Variants in GRM7 observed in about 807,000 individuals in gnomAD.
GRM7 encodes metabotropic glutamate receptor 7.
In GRM7, 35 loss-of-function variants were observed where a neutral mutation model predicts 84.5. That is an observed-to-expected ratio of 0.41 (90% CI 0.32 to 0.55). GRM7 has a LOEUF of 0.55. Among genes scored for constraint, GRM7 ranks in the 20% least tolerant of loss-of-function variants. GRM7 has a pLI of 0.19. For synonymous variants in GRM7, 487 were observed against 455.1 expected, an observed-to-expected ratio of 1.07 and a Z score of -0.89; for missense variants, 1,003 against 1,194.6, an observed-to-expected ratio of 0.84 and a Z score of 2.36.
At chr3:6,998,726 G>T (rs1372613055) in intron 1 of GRM7, among the ~76,000 whole-genome samples, 1 of 152,208 alleles carries the variant, frequency 6.6e-6, no homozygotes, top group Non-Finnish European at 1.5e-5. Flanking sequence ...CCACATGAAA[G>T]CTGCCAAGGC....
intron 2 of GRM7, among the ~76,000 whole-genome samples, chr3:7,284,513 A>T (rs772782926): frequency 6.6e-6 from 1 of 152,182 alleles, no homozygotes; most frequent in African/African-American, 2.4e-5. Context: ...TTGCCTCTTT[A>T]TCGCAATGTA....
intron 1 of GRM7, among the ~76,000 whole-genome samples, chr3:6,993,416 T>C (rs1415373370): frequency 1.3e-5 from 2 of 152,120 alleles, no homozygotes; most frequent in African/African-American, 2.4e-5. Context: ...CCCAGAGGTG[T>C]AGACAGACTG....
chr3:7,625,515 G>T (rs1236406312), intron 8 of GRM7, among the ~76,000 whole-genome samples: 1 of 152,046 alleles, frequency 6.6e-6, no homozygotes, highest in Non-Finnish European at 1.5e-5. Flanking sequence ...TCAAAAAACA[G>T]GGACATTGGC....
intron 2 of GRM7, among the ~76,000 whole-genome samples, chr3:7,231,147 C>G (rs1697183729): frequency 6.6e-6 from 1 of 152,102 alleles, no homozygotes; most frequent in African/African-American, 2.4e-5. Context: ...TAGGTGTCAC[C>G]CGTCTTGGAA....
chr3:7,060,670 G>T (rs533882310), intron 1 of GRM7, among the ~76,000 whole-genome samples: 15 of 151,824 alleles, frequency 9.9e-5, no homozygotes, highest in African/African-American at 3.6e-4. Flanking sequence ...CCAACATTAT[G>T]CTGACTCAAA....
intron 9 of GRM7, among the ~76,000 whole-genome samples, chr3:7,687,699 T>C (rs935538427): frequency 6.6e-6 from 1 of 152,174 alleles, no homozygotes; most frequent in African/African-American, 2.4e-5. Context: ...ATGGGACTTT[T>C]ATCAGATCAC....
intron 2 of GRM7, among the ~76,000 whole-genome samples, chr3:7,259,289 C>A (rs1471123606): frequency 6.6e-6 from 1 of 152,078 alleles, no homozygotes; most frequent in Non-Finnish European, 1.5e-5. Flanking sequence ...TTTAAAAATA[C>A]TTTTATTTTA....
chr3:6,910,459 A>C (rs1230894494), intron 1 of GRM7, among the ~76,000 whole-genome samples: 7 of 152,136 alleles, frequency 4.6e-5, no homozygotes. Context: ...CTGAGTTAAA[A>C]CAGAAGGGGA....
chr3:7,010,799 C>T (rs185450382), intron 1 of GRM7, among the ~76,000 whole-genome samples: 2 of 152,208 alleles, frequency 1.3e-5, no homozygotes, highest in African/African-American at 4.8e-5. Context: ...AGGTTCAGTC[C>T]CTTTTGTGGG....
At chr3:7,337,407 G>A (rs1198525094) in intron 4 of GRM7, among the ~76,000 whole-genome samples, 1 of 151,906 alleles carries the variant, frequency 6.6e-6, no homozygotes, top group Non-Finnish European at 1.5e-5. Context: ...ACAAATATAA[G>A]TAGATGGGAC....
intron 9 of GRM7, among the ~76,000 whole-genome samples, chr3:7,692,625 G>C (rs1700849842): frequency 6.6e-6 from 1 of 152,132 alleles, no homozygotes; most frequent in Non-Finnish European, 1.5e-5. Flanking sequence ...TTGCTGCAAA[G>C]TTTAGAATGT....
intron 1 of GRM7, among the ~76,000 whole-genome samples, chr3:7,001,792 T>G (rs1336709751): frequency 1.3e-5 from 2 of 152,200 alleles, no homozygotes; most frequent in Non-Finnish European, 2.9e-5. Flanking sequence ...TAAAACTTTG[T>G]TTTTCATATT....
chr3:7,163,868 C>T (rs868840571), intron 2 of GRM7, among the ~76,000 whole-genome samples: 1 of 152,108 alleles, frequency 6.6e-6, no homozygotes, highest in Non-Finnish European at 1.5e-5. Flanking sequence ...TAAAAAGTTT[C>T]TTGGATCCCT....
At chr3:7,320,656 T>C (rs2125052473) in intron 4 of GRM7, among the ~76,000 whole-genome samples, 1 of 149,350 alleles carries the variant, frequency 6.7e-6, no homozygotes, top group African/African-American at 2.5e-5. Flanking sequence ...GGGTAGCATA[T>C]CCTGAACACC....
In GRM7 at chr3:7,682,539, TACACAC is replaced by T. The variant is rs35042061; in HGVS notation, c.2698+2272_2698+2277del. Among the ~76,000 whole-genome samples the T allele has an allele frequency of 5.8e-3, 681 of 117,884 alleles. 14 individuals carry two copies. The East Asian group carries it at 0.12, about 22-fold the overall frequency. The allele number at this position is 117,884 out of a possible 152,430, so 77.3% of individuals were successfully genotyped here. Reference sequence around the variant, plus strand: ...TATTCCAATAACAGCTTTATTTTTGTACACACACACACACACACACACACACACACA... The same window carrying T: ...TATTCCAATAACAGCTTTATTTTTGTACACACACACACACACACACACACA... On this transcript the variant is annotated intron_variant, in intron 9 of 9. Coordinates refer to ENST00000357716, the MANE Select transcript of GRM7 (RefSeq NM_000844.4).
chr3:6,955,485 C>T (rs574975879), intron 1 of GRM7, among the ~76,000 whole-genome samples: 1 of 150,766 alleles, frequency 6.6e-6, no homozygotes, highest in Admixed American at 6.6e-5. Flanking sequence ...TGCAGTGAGC[C>T]GAGATCACAC....
intron 2 of GRM7, among the ~76,000 whole-genome samples, chr3:7,223,588 G>A (rs555861576): frequency 6.6e-6 from 1 of 151,512 alleles, no homozygotes; most frequent in Non-Finnish European, 1.5e-5. Context: ...TTATAGAAAT[G>A]TTTTATATTT....
chr3:7,426,854 A>G (rs1440504894), intron 5 of GRM7, among the ~76,000 whole-genome samples: 1 of 152,188 alleles, frequency 6.6e-6, no homozygotes, highest in Non-Finnish European at 1.5e-5. Context: ...TTGAGAAACT[A>G]CTAATTTTAC....
intron 4 of GRM7, among the ~76,000 whole-genome samples, chr3:7,385,813 T>C (rs1575257111): frequency 6.6e-6 from 1 of 152,352 alleles, no homozygotes; most frequent in East Asian, 1.9e-4. Flanking sequence ...ATATTAACAG[T>C]AACCTAATAT....
Sources: gnomAD v4.1 joint callset for allele counts (sites outside exome capture counted in the v4.1 genomes callset) on GRCh38, gnomAD v4.1.1 for gene constraint, MANE v1.5 for transcripts, NCBI Gene and HGNC (gene_info 2026-07-23, HGNC 2026-07-21) for gene names.